The following NRG1 variants were observed in gnomAD, a reference collection of about 807,000 sequenced individuals.
The protein encoded by NRG1 is pro-neuregulin-1, membrane-bound isoform.
In NRG1, 18 loss-of-function variants were observed where a neutral mutation model predicts 63.8. The ratio of observed to expected loss-of-function variants is 0.28; its 90% confidence interval spans 0.19 to 0.42. The LOEUF (loss-of-function observed/expected upper bound fraction) is 0.42, where lower values mean the gene tolerates loss of function less well. NRG1 is among the 10% of genes least tolerant of loss of function. The pLI is 1.00. For missense variants in NRG1, 762 were observed against 814.7 expected (o/e 0.94, Z 0.79); for synonymous variants, 302 against 301.3 (o/e 1.00, Z -0.02).
At chr8:31,965,839 T>G (rs1227221438) in intron 1 of NRG1, among the ~76,000 whole-genome samples, 1 of 152,120 alleles carries the variant, frequency 6.6e-6, no homozygotes, top group Non-Finnish European at 1.5e-5. Context: ...CTGGGAACCA[T>G]TATCCTATGT....
intron 1 of NRG1, among the ~76,000 whole-genome samples, chr8:32,499,822 G>T (rs1476113765): frequency 6.6e-6 from 1 of 152,202 alleles, no homozygotes; most frequent in Non-Finnish European, 1.5e-5. Flanking sequence ...AACTACGGTA[G>T]TGATAATTCC....
intron 5 of NRG1, among the ~76,000 whole-genome samples, chr8:32,631,274 G>C (rs1850258243): frequency 6.6e-6 from 1 of 152,158 alleles, no homozygotes; most frequent in Non-Finnish European, 1.5e-5. Context: ...GAGTGCAAAA[G>C]CTTGGTGATC....
intron 1 of NRG1, chr8:31,639,636 G>A: frequency 7.1e-7 from 1 of 1,413,058 alleles, no homozygotes; most frequent in Middle Eastern, 2.5e-4. Context: ...CTCCTCCGGT[G>A]ACAGCAGCCC....
chr8:31,934,191 A>G (rs1835096543), intron 1 of NRG1, among the ~76,000 whole-genome samples: 1 of 152,098 alleles, frequency 6.6e-6, no homozygotes, highest in South Asian at 2.1e-4. Context: ...TTTTTGATGT[A>G]TATGTTGAAT....
intron 1 of NRG1, among the ~76,000 whole-genome samples, chr8:32,102,018 G>C (rs377462703): frequency 1.3e-4 from 20 of 152,258 alleles, no homozygotes; most frequent in African/African-American, 4.8e-4. Context: ...AGTTTAGCAG[G>C]CTTCGTCGGA....
intron 1 of NRG1, among the ~76,000 whole-genome samples, chr8:31,939,453 A>G (rs1305070315): frequency 6.6e-6 from 1 of 152,080 alleles, no homozygotes; most frequent in African/African-American, 2.4e-5. Flanking sequence ...ACCAAAATAG[A>G]ACCTCCTTAA....
intron 1 of NRG1, among the ~76,000 whole-genome samples, chr8:32,500,351 G>C (rs1057058865): frequency 6.6e-6 from 1 of 152,088 alleles, no homozygotes; most frequent in African/African-American, 2.4e-5. Context: ...AAAACATTCT[G>C]AGTTTCCCGG....
At chr8:31,664,946 T>G (rs1462476678) in intron 1 of NRG1, among the ~76,000 whole-genome samples, 1 of 152,226 alleles carries the variant, frequency 6.6e-6, no homozygotes, top group African/African-American at 2.4e-5. Flanking sequence ...AGGATTATTT[T>G]TGGCAAAATG....
rs1057322725 is a variant in NRG1 at position 32,348,576 on chromosome 8, CAT to C, written c.38-247250_38-247249del. On this transcript the variant is annotated intron_variant, in intron 1 of 10. Transcript: ENST00000519301. ...ATGAACAACATTTATGGTCAAATAA[CAT>C]AAAGAAAAATCCTTTATAGCCACTT... Among the ~76,000 whole-genome samples, 11 of 152,226 alleles carry C rather than the reference CAT, an allele frequency of 7.2e-5. No homozygotes were observed. The South Asian group carries it at 1.5e-3, about 20-fold the overall frequency.
chr8:31,872,622 A>G lies in NRG1; in HGVS notation c.37+233191A>G, dbSNP rs372747993. On this transcript the variant is annotated intron_variant, in intron 1 of 10. Coordinates refer to the NRG1 transcript ENST00000519301. ...CTTCATAAATCATATTTTATGTGCA[A>G]CCAGTAAGAGAGAGAGATGATGATG... is the stretch of plus-strand genomic sequence containing the variant. Among the ~76,000 whole-genome samples the G allele has an allele frequency of 3.3e-5, 5 of 152,314 alleles. No homozygotes were observed. In the South Asian group the frequency reaches 6.2e-4, roughly 19 times the overall value.
chr8:32,668,870 A>G (rs889286898), intron 5 of NRG1, among the ~76,000 whole-genome samples: 1 of 152,168 alleles, frequency 6.6e-6, no homozygotes. Context: ...TCTGCTAGCA[A>G]CATTAAAAAT....
chr8:32,608,092 G>GTTTTGTTTTGTTTTTTTTTTTT (rs1845594606), intron 3 of NRG1, among the ~76,000 whole-genome samples: 1 of 106,156 alleles, frequency 9.4e-6, no homozygotes, highest in East Asian at 3.8e-4. Flanking sequence ...GGTTTTTTTT[G>GTTTTGTTTTGTTTTTTTTTTTT]TTTTTTTTTT....
At chr8:32,693,053 C>T (rs553556619) in intron 5 of NRG1, among the ~76,000 whole-genome samples, 2 of 152,210 alleles carry the variant, frequency 1.3e-5, no homozygotes, top group Non-Finnish European at 2.9e-5. Flanking sequence ...TTGTGGACAA[C>T]GAAGAAGTCA....
chr8:31,842,787 T>G (rs1768164665), intron 1 of NRG1, among the ~76,000 whole-genome samples: 2 of 152,192 alleles, frequency 1.3e-5, no homozygotes, highest in South Asian at 2.1e-4. Flanking sequence ...ATGCCCTTGA[T>G]GTAGTCAAGA....
chr8:32,273,735 T>C (rs1851795296), intron 1 of NRG1, among the ~76,000 whole-genome samples: 1 of 152,344 alleles, frequency 6.6e-6, no homozygotes, highest in East Asian at 1.9e-4. Context: ...CATTTCTTTT[T>C]AAGTAGTTTG....
chr8:31,874,704 T>C (rs2129611968), intron 1 of NRG1, among the ~76,000 whole-genome samples: 1 of 152,290 alleles, frequency 6.6e-6, no homozygotes, highest in African/African-American at 2.4e-5. Context: ...TTGTTCTTTA[T>C]AGCTATTTTT....
At chr8:31,751,128 T>C (rs1261097273) in intron 1 of NRG1, among the ~76,000 whole-genome samples, 1 of 152,000 alleles carries the variant, frequency 6.6e-6, no homozygotes, top group East Asian at 1.9e-4. Flanking sequence ...GTGGGTAACA[T>C]TGCAGGAGAG....
intron 1 of NRG1, among the ~76,000 whole-genome samples, chr8:32,175,181 G>A (rs575489722): frequency 2.6e-5 from 4 of 152,190 alleles, no homozygotes; most frequent in East Asian, 1.9e-4. Context: ...TTCAACATAC[G>A]AAAATCAATA....
chr8:32,160,600 A>G (rs1056724634), intron 1 of NRG1, among the ~76,000 whole-genome samples: 6 of 152,176 alleles, frequency 3.9e-5, no homozygotes, highest in Non-Finnish European at 7.4e-5. Context: ...GTGCACACGC[A>G]TGTGTGTGTG....
Sources: allele counts gnomAD v4.1 joint callset (sites outside exome capture counted in the v4.1 genomes callset), GRCh38; gene constraint gnomAD v4.1.1; transcripts MANE v1.5; gene names NCBI Gene and HGNC (gene_info 2026-07-23, HGNC 2026-07-21).